PIWIL1: variants seen among roughly 807,000 people sequenced by gnomAD.
PIWIL1 encodes the protein piwi-like protein 1.
PIWIL1 carries 73 observed loss-of-function variants against 114.4 expected under a neutral mutation model. The ratio of observed to expected loss-of-function variants is 0.64; its 90% CI spans 0.53 to 0.78. PIWIL1 has a LOEUF of 0.78. PIWIL1 is among the 30% of genes least tolerant of loss of function. The probability of loss-of-function intolerance (pLI) is 0.00; values close to 1 mark genes in which losing one functional copy is unlikely to be tolerated. For missense variants in PIWIL1, 723 were observed against 1,063.1 expected, an observed-to-expected ratio of 0.68 and a Z score of 4.45; for synonymous variants, 375 against 369.0, an observed-to-expected ratio of 1.02 and a Z score of -0.19.
chr12:130,391,266 T>A, the PIWIL1 span, among the ~76,000 whole-genome samples: 1 of 152,168 alleles, frequency 6.6e-6, no homozygotes, highest in Non-Finnish European at 1.5e-5. Flanking sequence ...TCGGAAACAA[T>A]GTCTTCAGGA....
In PIWIL1 at chr12:130,361,286, T is replaced by C; in HGVS notation, c.1772T>C (p.Leu591Ser). 6.2e-7 allele frequency: 1 copy of C among 1,614,126 alleles called. No homozygotes were observed. Among genetic ancestry groups the C allele is most frequent in the Non-Finnish European group, 8.5e-7 (1 of 1,180,002 alleles). ...AGTCAGTGTGTGGTGGCCCGAACCT[T>C]AGGCAAACAGCAAACTGTCATGGCC... The part of the protein sequence containing the change: ...TPSQCVVART[L>S]GKQQTVMAIA... Residue 591 changes from leucine to serine, a missense_variant, in exon 15 of 21, where the codon TTA becomes TCA. Around this residue, in one of 8 missense-constraint regions of PIWIL1, gnomAD observed 298 missense variants for 420.8 expected, o/e 0.71. Transcript: ENST00000245255.
At chr12:130,424,528 G>T in the PIWIL1 span, 2 of 1,231,962 alleles carry the variant, frequency 1.6e-6, no homozygotes, top group Non-Finnish European at 2.0e-6. The surrounding 1 kb of genome is among the most constrained non-coding windows in gnomAD (Gnocchi z 9.8). Context: ...TCCGGGCTCC[G>T]GGTGGCCGAG....
the PIWIL1 span, among the ~76,000 whole-genome samples, chr12:130,393,301 GT>G: frequency 6.8e-6 from 1 of 147,140 alleles, no homozygotes; most frequent in South Asian, 2.2e-4. Flanking sequence ...CAGTTACCTG[GT>G]GAATATTGAA....
At chr12:130,412,701 C>G in the PIWIL1 span, 2 of 1,613,698 alleles carry the variant, frequency 1.2e-6, no homozygotes, top group Non-Finnish European at 1.7e-6. Flanking sequence ...CTGCTTGTAT[C>G]TCAGAGACCA....
At chr12:130,353,074 T>TA (rs1190036344) in intron 9 of PIWIL1, among the ~76,000 whole-genome samples, 4 of 152,212 alleles carry the variant, frequency 2.6e-5, no homozygotes, top group Non-Finnish European at 5.9e-5. Flanking sequence ...GAATAAGAAA[T>TA]ATGCAAGCAC....
At chr12:130,424,325 G>A in the PIWIL1 span, 5 of 1,231,772 alleles carry the variant, frequency 4.1e-6, no homozygotes, top group Non-Finnish European at 4.0e-6. The surrounding 1 kb of genome is among the most constrained non-coding windows in gnomAD (Gnocchi z 9.8). Flanking sequence ...TCCTGAGGAG[G>A]CCACCAGGGC....
At chr12:130,365,101 C>T (rs1216369194) in intron 18 of PIWIL1, among the ~76,000 whole-genome samples, 1 of 152,086 alleles carries the variant, frequency 6.6e-6, no homozygotes, top group Non-Finnish European at 1.5e-5. Flanking sequence ...CAGAGTGGAC[C>T]CTGGTGCAGC....
chr12:130,343,750 C>T (rs770879105), intron 3 of PIWIL1, among the ~76,000 whole-genome samples: 7 of 151,744 alleles, frequency 4.6e-5, no homozygotes, highest in African/African-American at 1.7e-4. Flanking sequence ...CTCAGCCTCC[C>T]GAGTAGCTGG....
At position 130,346,816 on chromosome 12, in the gene PIWIL1, T is replaced by TA. The variant is rs140152601; in HGVS notation, c.532-117dup. On this transcript the variant is annotated intron_variant, in intron 5 of 20. Coordinates refer to ENST00000245255, the MANE Select transcript of PIWIL1 (RefSeq NM_004764.5). ...AGCCACTCTTTTTCTCAGAGCCATTTAAAAAAAATCCAGTTAAAACATTTT... is the reference window on the plus strand; with the variant it reads ...AGCCACTCTTTTTCTCAGAGCCATTTAAAAAAAAATCCAGTTAAAACATTTT... The TA allele has an allele frequency of 2.3e-3, 2,826 of 1,252,678 alleles. 66 individuals are homozygous for TA. In the African/African-American group the frequency reaches 0.038, roughly 17 times the overall value. The allele number at this position is 1,252,678 out of a possible 1,614,324, so 77.6% of individuals were successfully genotyped here.
At chr12:130,423,669 AAAAAAAAT>A in the PIWIL1 span, among the ~76,000 whole-genome samples, 2 of 148,638 alleles carry the variant, frequency 1.3e-5, no homozygotes, top group African/African-American at 5.0e-5. Context: ...AAAAAAAAAA[AAAAAAAAT>A]AGATTTCTTC....
At chr12:130,400,225 C>T in the PIWIL1 span, among the ~76,000 whole-genome samples, 15 of 152,298 alleles carry the variant, frequency 9.8e-5, no homozygotes, top group African/African-American at 2.9e-4. Flanking sequence ...CACCTTCAGA[C>T]GGTGGGGACC....
the PIWIL1 span, among the ~76,000 whole-genome samples, chr12:130,400,536 C>T: frequency 6.6e-6 from 1 of 152,188 alleles, no homozygotes; most frequent in African/African-American, 2.4e-5. Flanking sequence ...CTTCCCCAAA[C>T]TCATCTGCCC....
downstream of PIWIL1, among the ~76,000 whole-genome samples, chr12:130,377,230 T>C (rs1269195257): frequency 2.0e-5 from 3 of 152,250 alleles, no homozygotes; most frequent in Non-Finnish European, 4.4e-5. Context: ...CCCCAGTGTA[T>C]AGCAGGTTCT....
chr12:130,346,708 C>T, intron 5 of PIWIL1, 124 bp downstream of exon 5: 1 of 877,146 alleles, frequency 1.1e-6, no homozygotes. Flanking sequence ...TTGGAATAAA[C>T]ACATAGGGTA....
the PIWIL1 span, among the ~76,000 whole-genome samples, chr12:130,417,148 C>T: frequency 3.0e-4 from 46 of 152,140 alleles, no homozygotes; most frequent in Non-Finnish European, 3.2e-4. Flanking sequence ...TTGGAGGGAA[C>T]GGAAATTAGT....
At chr12:130,340,817 GT>G (rs2072900378) in intron 1 of PIWIL1, among the ~76,000 whole-genome samples, 1 of 152,116 alleles carries the variant, frequency 6.6e-6, no homozygotes, top group East Asian at 1.9e-4. Flanking sequence ...ATACAAAGCA[GT>G]TTAAAATGAG....
chr12:130,399,861 C>T, the PIWIL1 span: 1 of 1,604,310 alleles, frequency 6.2e-7, no homozygotes, highest in Non-Finnish European at 8.5e-7. Flanking sequence ...TTTCTAGAAA[C>T]CCACATCTTG....
chr12:130,358,305 T>C (rs1245709535), intron 14 of PIWIL1, among the ~76,000 whole-genome samples: 2 of 152,188 alleles, frequency 1.3e-5, no homozygotes, highest in African/African-American at 4.8e-5. Flanking sequence ...GATCTGAAAT[T>C]GTGGGGACAT....
chr12:130,385,981 A>C, the PIWIL1 span, among the ~76,000 whole-genome samples: 1 of 152,162 alleles, frequency 6.6e-6, no homozygotes, highest in Non-Finnish European at 1.5e-5. Context: ...CTGTTTTTCA[A>C]ATGAAACTTT....
Sources: allele counts gnomAD v4.1 joint callset (sites outside exome capture counted in the v4.1 genomes callset), GRCh38; gene constraint gnomAD v4.1.1; regional missense constraint gnomAD v4.1.1; non-coding constraint Gnocchi (gnomAD v3.1); transcripts MANE v1.5; gene names NCBI Gene and HGNC (gene_info 2026-07-23, HGNC 2026-07-21).